PLA1A: variants seen among roughly 807,000 people sequenced by gnomAD.
PLA1A encodes the protein phosphatidylserine-specific phospholipase A1alpha.
In PLA1A, 47 loss-of-function variants were observed where a neutral mutation model predicts 49.4. That is an observed-to-expected ratio of 0.95 (90% CI 0.75 to 1.21). The LOEUF (loss-of-function observed/expected upper bound fraction) is 1.21, where lower values mean the gene tolerates loss of function less well. PLA1A is among the 50% of genes most tolerant of loss of function. The pLI is 0.00. For missense variants in PLA1A, 561 were observed against 563.9 expected (o/e 0.99, Z 0.05); for synonymous variants, 224 against 207.9 (o/e 1.08, Z -0.67).
In PLA1A at chr3:119,628,795, C is replaced by T. The variant is rs745746133; in HGVS notation, c.1216C>T (p.Arg406Ter). 41 of 1,613,890 alleles carry T rather than the reference C, an allele frequency of 2.5e-5. No homozygotes were observed. Among genetic ancestry groups the T allele is most frequent in the East Asian group, 1.3e-4 (6 of 44,892 alleles). ...QVKFKFQSSN[R>*]VWKKDRTTII... is the part of the protein sequence containing the mutation. ...GAAATTCAAGTTTCAGTCTTCCAACCGAGTTTGGAAAAAAGACCGGACTAC... is the reference window on the plus strand; with the variant it reads ...GAAATTCAAGTTTCAGTCTTCCAACTGAGTTTGGAAAAAAGACCGGACTAC... Residue 406 changes from arginine to a stop codon, truncating the protein, a stop_gained, in exon 10 of 11, where the codon CGA becomes TGA. Transcript: ENST00000273371. LOFTEE classifies it high-confidence loss of function.
intron 6 of PLA1A, among the ~76,000 whole-genome samples, chr3:119,617,470 C>T (rs1337174179): frequency 1.3e-5 from 2 of 151,800 alleles, no homozygotes; most frequent in Admixed American, 6.6e-5. Context: ...AGGCCAGGTA[C>T]GGTGGCTCAC....
intron 1 of PLA1A, 104 bp downstream of exon 1, chr3:119,598,090 T>G: frequency 1.5e-6 from 1 of 660,294 alleles, no homozygotes; most frequent in East Asian, 3.0e-5. Flanking sequence ...CTAAAAGCCT[T>G]TTGCCTCTTC....
intron 4 of PLA1A, among the ~76,000 whole-genome samples, chr3:119,612,779 C>T (rs1461589526): frequency 6.6e-6 from 1 of 152,120 alleles, no homozygotes. Flanking sequence ...TGAGTCACCG[C>T]GCCCAGCCTC....
At chr3:119,612,067 C>T (rs1046996401) in intron 4 of PLA1A, among the ~76,000 whole-genome samples, 7 of 152,316 alleles carry the variant, frequency 4.6e-5, no homozygotes, top group Admixed American at 1.3e-4. Context: ...CAAAAACCCT[C>T]AGCTTCCTAG....
chr3:119,607,125 T>G, intron 2 of PLA1A, 150 bp downstream of exon 2: 2 of 659,224 alleles, frequency 3.0e-6, no homozygotes, highest in Non-Finnish European at 2.7e-6. Flanking sequence ...TGATGGGGTC[T>G]CATGTCAACA....
chr3:119,628,247 C>T (rs895034236), intron 9 of PLA1A, among the ~76,000 whole-genome samples: 6 of 152,234 alleles, frequency 3.9e-5, no homozygotes, highest in Admixed American at 6.5e-5. Flanking sequence ...ACTCTGTCTG[C>T]GCTTCATGAT....
Position 119,609,584 on chromosome 3 carries a change from TCCTC to T in PLA1A, c.562+12_562+15del. On this transcript the variant is annotated intron_variant, in intron 4 of 10. Transcript: ENST00000273371. ...AGCTGGGACAGATCACAGGTAACAT[TCCTC>T]CCTGCCCATCCTCCAGGCTTTAGAG... 6.9e-7 allele frequency: 1 copy of T among 1,457,490 alleles called. No homozygotes were observed. Among genetic ancestry groups the T allele is most frequent in the African/African-American group, 1.5e-5 (1 of 68,630 alleles). 90.3% of individuals were successfully genotyped at this position (1,457,490 alleles called of 1,614,324 possible).
chr3:119,628,582 T>C (rs964571238), intron 9 of PLA1A, 119 bp from the exon 10 acceptor site: 3 of 809,740 alleles, frequency 3.7e-6, no homozygotes, highest in Non-Finnish European at 6.1e-6. Context: ...GGTAAGGAGC[T>C]AACCCCTTGG....
At position 119,606,827 on chromosome 3, in the gene PLA1A, C is replaced by A. The variant is rs145223612; in HGVS notation, c.127C>A (p.Leu43Ile). 2.5e-6 allele frequency: 4 copies of A among 1,614,028 alleles called. No individual in the cohort carries two copies. The African/African-American group carries it at 5.3e-5, about 22-fold the overall frequency. Residue 43 changes from leucine to isoleucine, a missense_variant, in exon 2 of 11, where the codon CTT (leucine) becomes ATT (isoleucine). Coordinates refer to ENST00000273371, the MANE Select transcript of PLA1A (RefSeq NM_015900.4). ...GTGCGCTGACTTCCAGAGCGCCAAC[C>A]TTTTTGAAGGCACCGATCTCAAAGT... ...PKCADFQSAN[L>I]FEGTDLKVQF...
intron 5 of PLA1A, among the ~76,000 whole-genome samples, chr3:119,613,940 G>A (rs2082807286): frequency 6.6e-6 from 1 of 152,036 alleles, no homozygotes; most frequent in Admixed American, 6.5e-5. Context: ...ACAGGCACAG[G>A]AAAGACTCCC....
chr3:119,629,325 A>G (rs2052591286), intron 10 of PLA1A, 59 bp from the exon 11 acceptor site: 1 of 968,640 alleles, frequency 1.0e-6, no homozygotes, highest in African/African-American at 1.6e-5. Context: ...CAAAAGCCAC[A>G]CAATGCCAAG....
chr3:119,614,855 A>G (rs1369199388), intron 5 of PLA1A, among the ~76,000 whole-genome samples: 1 of 152,212 alleles, frequency 6.6e-6, no homozygotes, highest in African/African-American at 2.4e-5. Context: ...CATGGAGCTT[A>G]CAGGCTACGT....
intron 3 of PLA1A, among the ~76,000 whole-genome samples, 154 bp downstream of exon 3, chr3:119,609,101 C>T (rs539659283): frequency 6.6e-6 from 1 of 152,264 alleles, no homozygotes; most frequent in Non-Finnish European, 1.5e-5. Flanking sequence ...CCACTCACAG[C>T]ACTGACCTCG....
chr3:119,629,434 C>T lies in PLA1A; in HGVS notation c.1337C>T (p.Thr446Ile). 6.2e-7 allele frequency: 1 copy of T among 1,610,864 alleles called. No homozygotes were observed. The change falls in exon 11 of 11, where the codon ACT (threonine) becomes ATT (isoleucine). Residue 446 changes from threonine (T) to isoleucine (I), a missense_variant. Transcript: ENST00000273371. ...PEPVNLQASVTVSCDLKIACV is the reference protein window; with the variant it reads ...PEPVNLQASVIVSCDLKIACV ...CCAGTGAACTTACAAGCAAGTGTGACTGTTTCCTGTGACCTGAAGATAGCC... is the reference window on the plus strand; with the variant it reads ...CCAGTGAACTTACAAGCAAGTGTGATTGTTTCCTGTGACCTGAAGATAGCC...
intron 8 of PLA1A, among the ~76,000 whole-genome samples, chr3:119,621,887 C>T (rs936350610): frequency 6.6e-6 from 1 of 152,150 alleles, no homozygotes. Context: ...ACCCACCCAA[C>T]ATTAGGCCTA....
intron 8 of PLA1A, among the ~76,000 whole-genome samples, chr3:119,620,622 TA>T (rs572404857): frequency 5.3e-4 from 81 of 152,180 alleles, no homozygotes; most frequent in Non-Finnish European, 9.7e-4. Flanking sequence ...GAGTATAAAA[TA>T]AAATGGTGCA....
intron 1 of PLA1A, 81 bp downstream of exon 1, chr3:119,598,067 T>C (rs1239326289): frequency 3.5e-6 from 3 of 860,212 alleles, no homozygotes; most frequent in Non-Finnish European, 5.5e-6. Flanking sequence ...AGTACTAACT[T>C]TTGGAAGATC....
At chr3:119,615,649 T>TAAAA (rs892892499) in intron 5 of PLA1A, among the ~76,000 whole-genome samples, 1 of 151,628 alleles carries the variant, frequency 6.6e-6, no homozygotes, top group African/African-American at 2.4e-5. Flanking sequence ...CTGTCTCTAC[T>TAAAA]AAAAAAACAC....
At chr3:119,612,628 A>G (rs1450358085) in intron 4 of PLA1A, among the ~76,000 whole-genome samples, 3 of 151,942 alleles carry the variant, frequency 2.0e-5, no homozygotes, top group South Asian at 4.1e-4. Context: ...CGCTGGAACT[A>G]CAGGCGCCCG....
Sources: allele counts gnomAD v4.1 joint callset (sites outside exome capture counted in the v4.1 genomes callset), GRCh38; gene constraint gnomAD v4.1.1; transcripts MANE v1.5; gene names NCBI Gene and HGNC (gene_info 2026-07-23, HGNC 2026-07-21).